The following QSOX1 variants were observed in gnomAD, a reference collection of about 807,000 sequenced individuals.
The protein encoded by QSOX1 is sulfhydryl oxidase 1.
A neutral mutation model predicts 76.1 loss-of-function variants in QSOX1; 40 were observed. The ratio of observed to expected loss-of-function variants is 0.53; its 90% confidence interval spans 0.41 to 0.68. The LOEUF (loss-of-function observed/expected upper bound fraction) is 0.68. QSOX1 is among the 30% of genes least tolerant of loss of function. The pLI is 0.00. For missense variants in QSOX1, 931 were observed against 974.3 expected (o/e 0.96, Z 0.59); for synonymous variants, 392 against 413.1 (o/e 0.95, Z 0.62).
rs768721541 is a variant in QSOX1, at chr1:180,189,541, C to G, written c.1018-11C>G. ...TTTCACTCTCCAGCTTCCGCTTGTT[C>G]CTCCCCACAGTATTTCCCTGGCCGG... is the stretch of plus-strand genomic sequence containing the variant. On this transcript the variant is annotated splice_polypyrimidine_tract_variant and intron_variant, in intron 8 of 11. Transcript: ENST00000367602. 2.6e-6 allele frequency: 4 copies of G among 1,530,324 alleles called. No individual in the cohort carries two copies. The highest frequency in any genetic ancestry group is 1.8e-6 in the Non-Finnish European group (2 of 1,127,148). 94.8% of individuals were successfully genotyped at this position (1,530,324 alleles called of 1,614,324 possible).
At chr1:180,185,950 G>C in intron 7 of QSOX1, 103 bp from the exon 8 acceptor site, 1 of 1,373,468 alleles carries the variant, frequency 7.3e-7, no homozygotes, top group Non-Finnish European at 1.0e-6. Flanking sequence ...GTGACCATCA[G>C]CAGTGCCCCT....
At chr1:180,168,644 A>G (rs77826003) in intron 2 of QSOX1, among the ~76,000 whole-genome samples, 3 of 152,206 alleles carry the variant, frequency 2.0e-5, no homozygotes, top group African/African-American at 7.2e-5. Flanking sequence ...TACTAAGTGC[A>G]GTTAAACTGT....
rs897750880 is a variant in QSOX1, at chr1:180,198,500, C to T, written c.*1463C>T. ...TTAAGGGGGAGCAGGAGCCTCAATC[C>T]GATTTGGTTTTCTCTTTGACATCTT... On this transcript the variant is annotated 3_prime_UTR_variant, in exon 12 of 12. Transcript: ENST00000367602. The T allele has an allele frequency of 1.4e-5, 6 of 422,176 alleles. No individual in the cohort carries two copies. The highest frequency in any genetic ancestry group is 2.5e-5 in the Admixed American group (1 of 40,370). 26.2% of individuals were successfully genotyped at this position (422,176 alleles called of 1,614,324 possible). A position where few individuals can be genotyped will look rare whatever the true frequency, so the allele number is the denominator to read the frequency against.
chr1:180,178,144 G>A (rs2149236792), intron 4 of QSOX1, among the ~76,000 whole-genome samples: 1 of 152,242 alleles, frequency 6.6e-6, no homozygotes, highest in East Asian at 1.9e-4. Flanking sequence ...AGTCAGCCTG[G>A]GCCTGCCCCA....
At chr1:180,181,813 C>T (rs1340793175) in intron 5 of QSOX1, among the ~76,000 whole-genome samples, 2 of 152,122 alleles carry the variant, frequency 1.3e-5, no homozygotes, top group Non-Finnish European at 2.9e-5. Flanking sequence ...CGTGCTGGCT[C>T]AGTGCAAAAA....
chr1:180,173,367 A>G (rs1265265276), intron 2 of QSOX1, among the ~76,000 whole-genome samples: 1 of 152,222 alleles, frequency 6.6e-6, no homozygotes, highest in Non-Finnish European at 1.5e-5. Context: ...TATCAATACG[A>G]TCTCCTAATC....
Position 180,172,163 on chromosome 1 carries a change from C to T in QSOX1, c.367-3158C>T, listed in dbSNP as rs1479204270. The stretch of plus-strand genomic sequence containing the variant: ...CTCTCTTCATCCCCATCCTCCTTCC[C>T]TTCCCATCCTTTCCTTTTTTAAGGG... On this transcript the variant is annotated intron_variant, in intron 2 of 11. Transcript: ENST00000367602. Among the ~76,000 whole-genome samples the T allele has an allele frequency of 2.6e-5, 4 of 151,954 alleles. No individual in the cohort carries two copies. The East Asian group carries it at 7.7e-4, about 29-fold the overall frequency.
At chr1:180,166,863 T>C (rs1465226869) in intron 2 of QSOX1, among the ~76,000 whole-genome samples, 1 of 152,214 alleles carries the variant, frequency 6.6e-6, no homozygotes. Flanking sequence ...GGTCAGACTC[T>C]AGAAGCCTAG....
At chr1:180,194,936 G>A (rs1172390550) in intron 11 of QSOX1, among the ~76,000 whole-genome samples, 1 of 151,466 alleles carries the variant, frequency 6.6e-6, no homozygotes, top group African/African-American at 2.4e-5. Flanking sequence ...GGAGCCATCT[G>A]TGGACAGGAG....
intron 1 of QSOX1, among the ~76,000 whole-genome samples, chr1:180,160,823 A>C (rs530420562): frequency 4.6e-5 from 7 of 152,320 alleles, no homozygotes; most frequent in Non-Finnish European, 1.0e-4. Context: ...TTGTCCCTTG[A>C]AATGTATATC....
rs1663619855 is a variant in QSOX1 at position 180,200,752 on chromosome 1, C to T, written c.*3715C>T. The T allele has an allele frequency of 6.6e-6, 1 of 152,206 alleles. No individual in the cohort carries two copies. The highest frequency in any genetic ancestry group is 2.1e-4 in the South Asian group (1 of 4,826). The allele number at this position is 152,206 out of a possible 1,614,324, so 9.4% of individuals were successfully genotyped here. A position where few individuals can be genotyped will look rare whatever the true frequency, so the allele number is the denominator to read the frequency against. On this transcript the variant is annotated 3_prime_UTR_variant, in exon 12 of 12. Coordinates refer to ENST00000367602, the MANE Select transcript of QSOX1 (RefSeq NM_002826.5). ...GGTGAGAGGTAGATCCAGGACTTGACCCCAGATCCCACCCACTCAACCCTG... is the reference window on the plus strand; with the variant it reads ...GGTGAGAGGTAGATCCAGGACTTGATCCCAGATCCCACCCACTCAACCCTG...
intron 11 of QSOX1, among the ~76,000 whole-genome samples, chr1:180,195,912 A>G (rs964714896): frequency 2.2e-4 from 34 of 152,148 alleles, no homozygotes; most frequent in African/African-American, 8.0e-4. Flanking sequence ...GCCCTTTCCC[A>G]TGTCTGGTAC....
rs974282980 is a variant in QSOX1, at chr1:180,202,109, G to C, written c.*5072G>C. 6.6e-6 allele frequency: 1 copy of C among 152,368 alleles called. No individual in the cohort carries two copies. Among genetic ancestry groups the C allele is most frequent in the African/African-American group, 2.4e-5 (1 of 41,470 alleles). The allele number at this position is 152,368 out of a possible 1,614,324, so 9.4% of individuals were successfully genotyped here. A position where few individuals can be genotyped will look rare whatever the true frequency, so the allele number is the denominator to read the frequency against. On this transcript the variant is annotated 3_prime_UTR_variant, in exon 12 of 12. Transcript: ENST00000367602. The stretch of plus-strand genomic sequence containing the variant: ...AGAGTCTGGAAATCACAAGGCAGAG[G>C]AGGAGACCTTTGCCAATGTGAGAGA...
chr1:180,161,944 A>G (rs1320096680), intron 1 of QSOX1, among the ~76,000 whole-genome samples: 1 of 152,216 alleles, frequency 6.6e-6, no homozygotes, highest in Admixed American at 6.5e-5. Flanking sequence ...AAGATGAAGC[A>G]CTTCAGGATT....
chr1:180,199,425 G>A lies in QSOX1; in HGVS notation c.*2388G>A, dbSNP rs1663584668. On this transcript the variant is annotated 3_prime_UTR_variant, in exon 12 of 12. Transcript: ENST00000367602. ...GGATAGAGAATCTCGCCTCTGTCTG[G>A]TGTGTTACCTACTGGGGGCACAGGA... The A allele has an allele frequency of 6.6e-6, 1 of 152,128 alleles. No homozygotes were observed. Among genetic ancestry groups the A allele is most frequent in the Non-Finnish European group, 1.5e-5 (1 of 68,048 alleles). The allele number at this position is 152,128 out of a possible 1,614,324, so 9.4% of individuals were successfully genotyped here. A position where few individuals can be genotyped will look rare whatever the true frequency, so the allele number is the denominator to read the frequency against.
intron 1 of QSOX1, among the ~76,000 whole-genome samples, chr1:180,165,877 C>G (rs1481221353): frequency 6.6e-6 from 1 of 151,000 alleles, no homozygotes; most frequent in Non-Finnish European, 1.5e-5. Flanking sequence ...GGCCCGGGGC[C>G]TGATGCAGGG....
chr1:180,180,115 A>C (rs1662992149), intron 5 of QSOX1, among the ~76,000 whole-genome samples: 1 of 152,262 alleles, frequency 6.6e-6, no homozygotes, highest in African/African-American at 2.4e-5. Context: ...TTTGTAGCAC[A>C]GTTCAGGCAT....
rs1558195580 is a variant in QSOX1 at position 180,197,656 on chromosome 1, A to G, written c.*619A>G. On this transcript the variant is annotated 3_prime_UTR_variant, in exon 12 of 12. Coordinates refer to ENST00000367602, the MANE Select transcript of QSOX1 (RefSeq NM_002826.5). ...GCTGGTCTCCCAGGTGAGGCAAGCCATGGTTGCTGGGCTGTAGGGTGAGTG... is the reference window on the plus strand; with the variant it reads ...GCTGGTCTCCCAGGTGAGGCAAGCCGTGGTTGCTGGGCTGTAGGGTGAGTG... 1 of 443,566 alleles carries G rather than the reference A, an allele frequency of 2.3e-6. No individual in the cohort carries two copies. Among genetic ancestry groups the G allele is most frequent in the Middle Eastern group, 6.5e-4 (1 of 1,546 alleles). 27.5% of individuals were successfully genotyped at this position (443,566 alleles called of 1,614,324 possible).
rs766503224 is a variant in QSOX1, at chr1:180,189,569, C to T, written c.1035C>T (p.Pro345=). ...CCCCACAGTATTTCCCTGGCCGGCCCTTAGTCCAGAACTTCCTGCACTCCG... is the reference window on the plus strand; with the variant it reads ...CCCCACAGTATTTCCCTGGCCGGCCTTTAGTCCAGAACTTCCTGCACTCCG... ...AVLAKYFPGR[P]LVQNFLHSVN... is the part of the protein sequence containing the mutation. The change falls in exon 9 of 12, where the codon CCC becomes CCT. Residue 345 remains proline (P), a synonymous_variant. Coordinates refer to ENST00000367602, the MANE Select transcript of QSOX1 (RefSeq NM_002826.5). 3 of 1,613,164 alleles carry T rather than the reference C, an allele frequency of 1.9e-6. No individual in the cohort carries two copies. Among genetic ancestry groups the T allele is most frequent in the Non-Finnish European group, 2.5e-6 (3 of 1,179,428 alleles).
Sources: allele counts gnomAD v4.1 joint callset (sites outside exome capture counted in the v4.1 genomes callset), GRCh38; gene constraint gnomAD v4.1.1; transcripts MANE v1.5; gene names NCBI Gene and HGNC (gene_info 2026-07-23, HGNC 2026-07-21).